DLGAP2: variants seen among roughly 807,000 people sequenced by gnomAD.
The protein encoded by DLGAP2 is disks large-associated protein 2.
A neutral mutation model predicts 100.3 loss-of-function variants in DLGAP2; 26 were observed. The observed-to-expected ratio is 0.26, with a 90% CI of 0.19 to 0.36. The LOEUF is 0.36. Ranked by LOEUF, DLGAP2 falls within the 10% of genes least tolerant of loss-of-function variation. DLGAP2 has a pLI of 1.00. For missense variants in DLGAP2, 1,858 were observed against 1,453.2 expected, an observed-to-expected ratio of 1.28 and a Z score of -4.53; for synonymous variants, 886 against 630.1, an observed-to-expected ratio of 1.41 and a Z score of -6.08.
intron 2 of DLGAP2, among the ~76,000 whole-genome samples, chr8:1,193,503 C>T (rs903669030): frequency 6.6e-6 from 1 of 152,202 alleles, no homozygotes; most frequent in Non-Finnish European, 1.5e-5. Context: ...TGTCACTTAG[C>T]ACCATGCGTT....
chr8:1,258,898 T>G lies in DLGAP2; in HGVS notation c.106+15T>G. ...GGAGCCGGAAGGTGAGTACCTGACA[T>G]GCTGCCTGGGGTGGGCGGGGGCCGC... On this transcript the variant is annotated intron_variant, in intron 3 of 14. Transcript: ENST00000637795. 8.1e-7 allele frequency: 1 copy of G among 1,231,776 alleles called. No homozygotes were observed. Among genetic ancestry groups the G allele is most frequent in the Middle Eastern group, 3.1e-4 (1 of 3,230 alleles). 76.3% of individuals were successfully genotyped at this position (1,231,776 alleles called of 1,614,324 possible).
At chr8:1,305,018 A>G (rs777029825) in intron 3 of DLGAP2, among the ~76,000 whole-genome samples, 13 of 152,342 alleles carry the variant, frequency 8.5e-5, no homozygotes, top group Middle Eastern at 3.4e-3. Flanking sequence ...GGTATCATAC[A>G]TGGTTTCCAC....
chr8:1,376,329 G>A (rs907014215), intron 3 of DLGAP2, among the ~76,000 whole-genome samples: 1 of 152,228 alleles, frequency 6.6e-6, no homozygotes, highest in Non-Finnish European at 1.5e-5. Context: ...CCATCAGCCA[G>A]CTCCTGTGCA....
intron 2 of DLGAP2, among the ~76,000 whole-genome samples, chr8:1,037,554 C>A (rs975124453): frequency 2.0e-5 from 3 of 152,228 alleles, no homozygotes; most frequent in Non-Finnish European, 4.4e-5. Context: ...TGCTGTCCCT[C>A]CCGGCATCAC....
intron 2 of DLGAP2, among the ~76,000 whole-genome samples, chr8:1,031,781 A>C (rs74304019): frequency 1.3e-5 from 2 of 152,352 alleles, no homozygotes; most frequent in East Asian, 3.8e-4. Context: ...ATTAAGAATG[A>C]GTTTACCAAA....
intron 2 of DLGAP2, among the ~76,000 whole-genome samples, chr8:1,140,567 C>T (rs1585097634): frequency 6.6e-6 from 1 of 152,232 alleles, no homozygotes; most frequent in East Asian, 1.9e-4. Context: ...GCTGACTTAT[C>T]AGAGGCCCCA....
intron 2 of DLGAP2, among the ~76,000 whole-genome samples, chr8:1,073,031 A>G (rs1046896312): frequency 4.6e-5 from 7 of 152,172 alleles, no homozygotes; most frequent in Non-Finnish European, 1.0e-4. Flanking sequence ...TGTACCTCTG[A>G]TCTTATGTTG....
intron 1 of DLGAP2, among the ~76,000 whole-genome samples, chr8:900,306 G>A (rs1798226324): frequency 6.7e-6 from 1 of 149,824 alleles, no homozygotes; most frequent in African/African-American, 2.5e-5. Flanking sequence ...GCGGACGGTG[G>A]GCGCCCTCCT....
At chr8:1,275,907 T>TAA (rs1799680167) in intron 3 of DLGAP2, among the ~76,000 whole-genome samples, 1 of 125,630 alleles carries the variant, frequency 8.0e-6, no homozygotes, top group Admixed American at 9.7e-5. Flanking sequence ...TAAATATATA[T>TAA]AATATATAAA....
chr8:928,974 G>A (rs1044232645), intron 2 of DLGAP2, among the ~76,000 whole-genome samples: 3 of 46,092 alleles, frequency 6.5e-5, no homozygotes, highest in African/African-American at 2.6e-4. Flanking sequence ...GACCCCCCCC[G>A]CCATTCCCAC....
rs1365455808 is a variant in DLGAP2, at chr8:1,408,345, G to C, written c.107-93021G>C. On this transcript the variant is annotated intron_variant, in intron 3 of 14. Coordinates refer to ENST00000637795, the MANE Select transcript of DLGAP2 (RefSeq NM_001346810.2). ...CGAGGGTTTCCCCTTCCCTCGGGGA[G>C]GCGTCTGTGTTCTCATCAGGGGAGA... Among the ~76,000 whole-genome samples the C allele has an allele frequency of 2.6e-5, 4 of 152,214 alleles. No individual in the cohort carries two copies. In the South Asian group the frequency reaches 6.2e-4, roughly 24 times the overall value.
intron 3 of DLGAP2, among the ~76,000 whole-genome samples, chr8:1,284,307 T>C (rs1585221952): frequency 6.6e-6 from 1 of 152,168 alleles, no homozygotes; most frequent in South Asian, 2.1e-4. Context: ...GGAAGGCCTG[T>C]CTGGATTCTG....
chr8:941,285 T>C (rs905815390), intron 2 of DLGAP2, among the ~76,000 whole-genome samples: 4 of 152,014 alleles, frequency 2.6e-5, no homozygotes, highest in Non-Finnish European at 4.4e-5. Flanking sequence ...TTAGGATCTG[T>C]GTATCTAGGA....
intron 3 of DLGAP2, among the ~76,000 whole-genome samples, chr8:1,387,699 G>A (rs2129794521): frequency 6.6e-6 from 1 of 152,308 alleles, no homozygotes; most frequent in Admixed American, 6.5e-5. Context: ...GGGTTGAGGT[G>A]GTTGGTGACT....
At chr8:1,121,327 C>A (rs6997700) in intron 2 of DLGAP2, among the ~76,000 whole-genome samples, 1,919 of 150,614 alleles carry the variant, frequency 0.013, 42 homozygotes, top group African/African-American at 0.045. Flanking sequence ...CCCTTCAGAA[C>A]CCATGACCAC....
intron 2 of DLGAP2, among the ~76,000 whole-genome samples, chr8:1,180,853 C>T (rs1283330801): frequency 2.2e-5 from 3 of 134,180 alleles, no homozygotes; most frequent in African/African-American, 8.2e-5. Flanking sequence ...GGGCAGTACA[C>T]TTACCGTCGA....
At chr8:1,030,965 G>A (rs1163214684) in intron 2 of DLGAP2, among the ~76,000 whole-genome samples, 2 of 152,186 alleles carry the variant, frequency 1.3e-5, no homozygotes, top group African/African-American at 4.8e-5. Context: ...CCGACTTCCC[G>A]GGAAACTGGC....
chr8:1,177,965 C>G (rs991793928), intron 2 of DLGAP2, among the ~76,000 whole-genome samples: 1 of 152,250 alleles, frequency 6.6e-6, no homozygotes, highest in South Asian at 2.1e-4. Flanking sequence ...TGATCGACAT[C>G]TCCAACACAG....
intron 2 of DLGAP2, among the ~76,000 whole-genome samples, chr8:942,482 C>T (rs1799219294): frequency 1.3e-5 from 2 of 152,232 alleles, no homozygotes. Flanking sequence ...CAGCCAAAAT[C>T]CATCTCCAGG....
Sources: allele counts gnomAD v4.1 joint callset (sites outside exome capture counted in the v4.1 genomes callset), GRCh38; gene constraint gnomAD v4.1.1; transcripts MANE v1.5; gene names NCBI Gene and HGNC (gene_info 2026-07-23, HGNC 2026-07-21).